Variants in RMI1 observed in about 807,000 individuals in gnomAD.
RMI1 encodes RecQ mediated genome instability 1.
RMI1 carries 36 observed loss-of-function variants against 46.7 expected under a neutral mutation model. That is an observed-to-expected ratio of 0.77 (90% CI 0.59 to 1.02). The LOEUF (loss-of-function observed/expected upper bound fraction) is 1.02. Ranked by LOEUF, RMI1 falls within the 50% of genes least tolerant of loss-of-function variation. The pLI, the probability that RMI1 is intolerant of heterozygous loss-of-function variation, is 0.00. For synonymous variants in RMI1, 250 were observed against 252.9 expected, an observed-to-expected ratio of 0.99 and a Z score of 0.11; for missense variants, 676 against 713.7, an observed-to-expected ratio of 0.95 and a Z score of 0.60.
chr9:83,984,632 G>A (rs138831507), intron 1 of RMI1, among the ~76,000 whole-genome samples: 234 of 151,940 alleles, frequency 1.5e-3, no homozygotes, highest in African/African-American at 5.2e-3. Context: ...CACAATCTCG[G>A]CTCACTGCAA....
chr9:83,999,898 G>A (rs1203043437), intron 2 of RMI1, 101 bp downstream of exon 2: 2 of 152,162 alleles, frequency 1.3e-5, no homozygotes, highest in Admixed American at 6.5e-5. Flanking sequence ...ACACATGATT[G>A]ATTGGGCTTT....
intron 1 of RMI1, among the ~76,000 whole-genome samples, chr9:83,985,738 G>A (rs903591837): frequency 6.6e-6 from 1 of 152,254 alleles, no homozygotes; most frequent in African/African-American, 2.4e-5. Flanking sequence ...GCCGGGCGCG[G>A]TGGCTCACGC....
chr9:83,981,201 G>A (rs1251661713), intron 1 of RMI1, among the ~76,000 whole-genome samples: 1 of 152,222 alleles, frequency 6.6e-6, no homozygotes, highest in African/African-American at 2.4e-5. Context: ...TCGCCGAGAG[G>A]GCACAGGCGG....
chr9:84,000,442 T>G lies in RMI1; in HGVS notation c.-36-509T>G, dbSNP rs1383322260. Among the ~76,000 whole-genome samples the G allele has an allele frequency of 1.2e-4, 18 of 152,150 alleles. 1 individual carries two copies. Among genetic ancestry groups the G allele is most frequent in the Admixed American group, 1.2e-3 (18 of 15,270 alleles). ...TTATGCTACCCACCCTTTAGTCACTTAGTAGCTGGTTGGTCATCGGATTTA... is the reference window on the plus strand; with the variant it reads ...TTATGCTACCCACCCTTTAGTCACTGAGTAGCTGGTTGGTCATCGGATTTA... On this transcript the variant is annotated intron_variant, in intron 2 of 2. Transcript: ENST00000445877.
Position 84,001,512 on chromosome 9 carries a change from C to A in RMI1, c.526C>A (p.Arg176Ser). ...KILIYGNISF[R>S]LGVLLLKPEN... ...TTTGATTTATGGAAATATATCTTTCCGTCTTGGTGTTCTCTTATTGAAACC... is the reference window on the plus strand; with the variant it reads ...TTTGATTTATGGAAATATATCTTTCAGTCTTGGTGTTCTCTTATTGAAACC... The change falls in exon 3 of 3, where the codon CGT becomes AGT. Residue 176 changes from arginine to serine, a missense_variant. By Grantham distance (110) the Arg-to-Ser change is moderately radical. Transcript: ENST00000445877. The A allele has an allele frequency of 6.2e-7, 1 of 1,613,784 alleles. No individual in the cohort carries two copies. Among genetic ancestry groups the A allele is most frequent in the Non-Finnish European group, 8.5e-7 (1 of 1,179,958 alleles).
At chr9:83,990,805 A>G (rs1354912697) in intron 1 of RMI1, among the ~76,000 whole-genome samples, 1 of 150,824 alleles carries the variant, frequency 6.6e-6, no homozygotes, top group South Asian at 2.1e-4. Flanking sequence ...CTTTCTTTTT[A>G]TTTATTTATT....
rs1957733303 is a variant in RMI1, at chr9:84,001,343, A to C, written c.357A>C (p.Glu119Asp). ...KNTTNDLVTAEAQVTPKPWEA... is the reference protein window; with the variant it reads ...KNTTNDLVTADAQVTPKPWEA... ...CAACAAATGATCTAGTTACAGCTGAAGCACAAGTAACCCCAAAACCTTGGG... is the reference window on the plus strand; with the variant it reads ...CAACAAATGATCTAGTTACAGCTGACGCACAAGTAACCCCAAAACCTTGGG... Residue 119 changes from glutamate (E) to aspartate (D), a missense_variant, in exon 3 of 3, where the codon GAA becomes GAC. Transcript: ENST00000445877. 1 of 1,614,050 alleles carries C rather than the reference A, an allele frequency of 6.2e-7. No homozygotes were observed. Among genetic ancestry groups the C allele is most frequent in the Non-Finnish European group, 8.5e-7 (1 of 1,179,998 alleles).
intron 1 of RMI1, among the ~76,000 whole-genome samples, chr9:83,988,000 C>A (rs1011871933): frequency 2.0e-5 from 3 of 152,112 alleles, no homozygotes; most frequent in Non-Finnish European, 4.4e-5. Context: ...ATCCTCCTAC[C>A]TCTGCCTCCT....
intron 1 of RMI1, among the ~76,000 whole-genome samples, chr9:83,984,689 G>A (rs977638960): frequency 2.6e-5 from 4 of 151,742 alleles, no homozygotes; most frequent in African/African-American, 9.7e-5. Flanking sequence ...AGCCTCCCTA[G>A]TAGCTGGGAT....
In RMI1 at chr9:84,003,275, A is replaced by G. The variant is rs968441406; in HGVS notation, c.*411A>G. On this transcript the variant is annotated 3_prime_UTR_variant, in exon 3 of 3. Transcript: ENST00000445877. The stretch of plus-strand genomic sequence containing the variant: ...GCTATGTTGCCCAGATTGGTCTCAA[A>G]CTCCTGGCCTCTCACTCCTGCCGTC... The G allele has an allele frequency of 6.0e-6, 1 of 167,390 alleles. No individual in the cohort carries two copies. The highest frequency in any genetic ancestry group is 2.4e-5 in the African/African-American group (1 of 41,354). 10.4% of individuals were successfully genotyped at this position (167,390 alleles called of 1,614,324 possible).
chr9:83,983,811 T>G (rs1242065062), intron 1 of RMI1, among the ~76,000 whole-genome samples: 2 of 152,146 alleles, frequency 1.3e-5, no homozygotes, highest in African/African-American at 4.8e-5. Context: ...TAAAAATGTT[T>G]TTTCCTGATT....
At chr9:83,997,107 C>CTTTT (rs375763717) in intron 1 of RMI1, among the ~76,000 whole-genome samples, 10 of 92,378 alleles carry the variant, frequency 1.1e-4, no homozygotes, top group South Asian at 4.9e-4. Flanking sequence ...AACACCCCCC[C>CTTTT]CTTTTTTTTT....
intron 1 of RMI1, among the ~76,000 whole-genome samples, chr9:83,984,430 C>A (rs750944292): frequency 6.6e-6 from 1 of 151,462 alleles, no homozygotes; most frequent in Non-Finnish European, 1.5e-5. Flanking sequence ...CTACCAAGCT[C>A]GGCTAATTTT....
At chr9:83,995,105 T>A (rs1349254604) in intron 1 of RMI1, among the ~76,000 whole-genome samples, 1 of 152,142 alleles carries the variant, frequency 6.6e-6, no homozygotes, top group Admixed American at 6.6e-5. Flanking sequence ...ATTCAAGCCA[T>A]TCTCCTGCCT....
chr9:83,991,583 G>T (rs765285455), intron 1 of RMI1, among the ~76,000 whole-genome samples: 2 of 152,164 alleles, frequency 1.3e-5, no homozygotes, highest in Non-Finnish European at 2.9e-5. Context: ...CTCCCAAAGT[G>T]CTAGGATTAT....
At chr9:83,989,946 CCAT>C (rs1957544315) in intron 1 of RMI1, among the ~76,000 whole-genome samples, 1 of 152,164 alleles carries the variant, frequency 6.6e-6, no homozygotes, top group African/African-American at 2.4e-5. Flanking sequence ...AAACCTGAAT[CCAT>C]CAGCAGACGA....
Position 84,003,822 on chromosome 9 carries a change from G to A in RMI1, c.*958G>A, listed in dbSNP as rs1957772902. The A allele has an allele frequency of 6.0e-6, 1 of 166,840 alleles. No individual in the cohort carries two copies. Among genetic ancestry groups the A allele is most frequent in the African/African-American group, 2.4e-5 (1 of 41,412 alleles). 10.3% of individuals were successfully genotyped at this position (166,840 alleles called of 1,614,324 possible). A position where few individuals can be genotyped will look rare whatever the true frequency, so the allele number is the denominator to read the frequency against. On this transcript the variant is annotated 3_prime_UTR_variant, in exon 3 of 3. Coordinates refer to ENST00000445877, the MANE Select transcript of RMI1 (RefSeq NM_001358291.2). ...GATCCAGTAGGTAGGACATTTATTG[G>A]ATTAAAATGAAGCATTTATCTATGT...
At chr9:83,985,310 C>T (rs1197945474) in intron 1 of RMI1, among the ~76,000 whole-genome samples, 1 of 152,174 alleles carries the variant, frequency 6.6e-6, no homozygotes, top group African/African-American at 2.4e-5. Flanking sequence ...ATCAATCCTA[C>T]TTTCTACTTT....
intron 1 of RMI1, among the ~76,000 whole-genome samples, chr9:83,989,268 T>C (rs1460258431): frequency 1.3e-5 from 2 of 152,300 alleles, no homozygotes; most frequent in South Asian, 4.1e-4. Context: ...CTTCAGGACA[T>C]TGTTCTGGGC....
Sources: gnomAD v4.1 joint callset for allele counts (sites outside exome capture counted in the v4.1 genomes callset) on GRCh38, gnomAD v4.1.1 for gene constraint, MANE v1.5 for transcripts, NCBI Gene and HGNC (gene_info 2026-07-23, HGNC 2026-07-21) for gene names.